CCSER1: variants seen among roughly 807,000 people sequenced by gnomAD.
CCSER1 encodes the protein coiled-coil serine rich protein 1.
In CCSER1, 41 loss-of-function variants were observed where a neutral mutation model predicts 82.0. The ratio of observed to expected loss-of-function variants is 0.50; its 90% CI spans 0.39 to 0.65. The LOEUF is 0.65. Among genes scored for constraint, CCSER1 ranks in the 30% least tolerant of loss-of-function variants. The probability of loss-of-function intolerance (pLI) is 0.00; values close to 1 mark genes in which losing one functional copy is unlikely to be tolerated. For synonymous variants in CCSER1, 414 were observed against 383.9 expected, an observed-to-expected ratio of 1.08 and a Z score of -0.92; for missense variants, 1,119 against 1,064.2, an observed-to-expected ratio of 1.05 and a Z score of -0.72.
chr4:91,438,123 G>C (rs1303863281), intron 10 of CCSER1, among the ~76,000 whole-genome samples: 1 of 152,182 alleles, frequency 6.6e-6, no homozygotes, highest in Non-Finnish European at 1.5e-5. Flanking sequence ...GCTTTGAAGA[G>C]AGCAGTGGTT....
At chr4:90,698,879 A>T (rs572315307) in intron 6 of CCSER1, among the ~76,000 whole-genome samples, 69 of 152,220 alleles carry the variant, frequency 4.5e-4, no homozygotes, top group Non-Finnish European at 9.0e-4. Flanking sequence ...CTGAAGTGGG[A>T]GGATGGCTTG....
chr4:90,468,533 T>G, intron 5 of CCSER1, 179 bp downstream of exon 5: 1 of 526,626 alleles, frequency 1.9e-6, no homozygotes, highest in Non-Finnish European at 3.2e-6. Flanking sequence ...TCTCCTAACT[T>G]CATGTCTTTG....
At chr4:90,871,470 G>A (rs77617122) in intron 8 of CCSER1, among the ~76,000 whole-genome samples, 1,934 of 151,796 alleles carry the variant, frequency 0.013, 35 homozygotes, top group African/African-American at 0.044. Flanking sequence ...GGCTTGTGTA[G>A]TTTTCAGAGA....
chr4:90,354,414 A>T (rs1744055037), intron 3 of CCSER1, among the ~76,000 whole-genome samples: 1 of 152,208 alleles, frequency 6.6e-6, no homozygotes, highest in Non-Finnish European at 1.5e-5. Context: ...AATGTACAGC[A>T]TGGTGACAGT....
intron 5 of CCSER1, among the ~76,000 whole-genome samples, chr4:90,577,042 T>C (rs926654435): frequency 1.3e-5 from 2 of 152,138 alleles, no homozygotes; most frequent in Non-Finnish European, 2.9e-5. Context: ...GCATGTTGTG[T>C]TATTAATGTT....
At chr4:90,850,138 A>G (rs766133914) in intron 8 of CCSER1, among the ~76,000 whole-genome samples, 2 of 152,134 alleles carry the variant, frequency 1.3e-5, no homozygotes, top group African/African-American at 2.4e-5. Context: ...ACCTTCACAT[A>G]GTGTTGGGCC....
chr4:90,468,010 A>G lies in CCSER1; in HGVS notation c.1604-224A>G, dbSNP rs560867695. 3.9e-5 allele frequency among the ~76,000 whole-genome samples: 6 copies of G among 152,300 alleles called. No individual in the cohort carries two copies. In the South Asian group the frequency reaches 1.0e-3, roughly 26 times the overall value. On this transcript the variant is annotated intron_variant, in intron 4 of 10. Coordinates refer to ENST00000509176, the MANE Select transcript of CCSER1 (RefSeq NM_001145065.2). ...TAGAGAAGGACTATAAACTGTTGGC[A>G]ATACCTTTTCCACCCTGGGATTTAA...
At chr4:91,116,271 T>C (rs754117531) in intron 10 of CCSER1, among the ~76,000 whole-genome samples, 8 of 152,140 alleles carry the variant, frequency 5.3e-5, no homozygotes, top group Non-Finnish European at 1.0e-4. Flanking sequence ...ATGTCCTTTG[T>C]AGGGACATGG....
In CCSER1 at chr4:91,568,078, G is replaced by A. The variant is rs184625068; in HGVS notation, c.2218-30494G>A. Among the ~76,000 whole-genome samples, 67 of 152,146 alleles carry A rather than the reference G, an allele frequency of 4.4e-4. 1 individual carries two copies. Among genetic ancestry groups the A allele is most frequent in the Admixed American group, 3.7e-3 (56 of 15,256 alleles). On this transcript the variant is annotated intron_variant, in intron 10 of 10. Coordinates refer to ENST00000509176, the MANE Select transcript of CCSER1 (RefSeq NM_001145065.2). ...TCCTTCAAGATTTGCTTATCTGAAA[G>A]GGATATTATTTACCTTTCACTTAGG...
At chr4:90,178,383 T>C (rs1402337203) in intron 1 of CCSER1, among the ~76,000 whole-genome samples, 1 of 152,234 alleles carries the variant, frequency 6.6e-6, no homozygotes, top group South Asian at 2.1e-4. Flanking sequence ...TTTTTTTCTA[T>C]TTCTGTTACT....
At chr4:91,025,922 A>C (rs201779194) in intron 9 of CCSER1, among the ~76,000 whole-genome samples, 2 of 122,092 alleles carry the variant, frequency 1.6e-5, no homozygotes, top group African/African-American at 9.7e-5. Flanking sequence ...GCCTAAACTC[A>C]CTGAGGATTG....
At chr4:90,656,132 A>G (rs1428129091) in intron 6 of CCSER1, among the ~76,000 whole-genome samples, 4 of 151,870 alleles carry the variant, frequency 2.6e-5, no homozygotes, top group Non-Finnish European at 1.5e-5. Context: ...TCTCTTTTTA[A>G]AAGTTTTTAA....
chr4:91,293,346 C>G (rs1743904762), intron 10 of CCSER1, among the ~76,000 whole-genome samples: 1 of 151,938 alleles, frequency 6.6e-6, no homozygotes, highest in Non-Finnish European at 1.5e-5. Context: ...TGTACAGCAA[C>G]CACTTAATTG....
At chr4:90,245,825 A>T (rs534360594) in intron 1 of CCSER1, among the ~76,000 whole-genome samples, 1 of 152,258 alleles carries the variant, frequency 6.6e-6, no homozygotes, top group Non-Finnish European at 1.5e-5. Flanking sequence ...GGGCTTTTCT[A>T]TCTAATTTAG....
chr4:91,444,432 T>G lies in CCSER1; in HGVS notation c.2218-154140T>G, dbSNP rs146393134. Among the ~76,000 whole-genome samples the G allele has an allele frequency of 1.7e-3, 241 of 140,860 alleles. 1 individual carries two copies. Among genetic ancestry groups the G allele is most frequent in the African/African-American group, 6.1e-3 (227 of 37,114 alleles). The allele number at this position is 140,860 out of a possible 152,430, so 92.4% of individuals were successfully genotyped here. The stretch of plus-strand genomic sequence containing the variant: ...TCACGAACACACTGAGCACAAATCA[T>G]TTTTTTTAAAGTGCCAATTCTTTTG... On this transcript the variant is annotated intron_variant, in intron 10 of 10. Coordinates refer to ENST00000509176, the MANE Select transcript of CCSER1 (RefSeq NM_001145065.2).
In CCSER1 at chr4:90,308,655, A is replaced by G. The variant is rs774877573; in HGVS notation, c.371A>G (p.Asn124Ser). ...RHSVGFSSSR[N>S]KKITRSLTED... ...TCTGTTGGTTTTAGTAGTTCACGAA[A>G]TAAGAAGATAACAAGATCTTTGACA... The change falls in exon 2 of 11, where the codon AAT (asparagine) becomes AGT (serine). Residue 124 changes from asparagine (N) to serine (S), a missense_variant. Transcript: ENST00000509176. 11 of 1,613,592 alleles carry G rather than the reference A, an allele frequency of 6.8e-6. No homozygotes were observed. In the African/African-American group the frequency reaches 1.1e-4, roughly 16 times the overall value.
intron 10 of CCSER1, among the ~76,000 whole-genome samples, chr4:91,110,088 G>C (rs1449165938): frequency 6.6e-6 from 1 of 151,824 alleles, no homozygotes; most frequent in Non-Finnish European, 1.5e-5. Flanking sequence ...TCATCTACCT[G>C]TTATCTGACA....
chr4:90,450,709 A>G (rs772370723), intron 4 of CCSER1, among the ~76,000 whole-genome samples: 4 of 152,218 alleles, frequency 2.6e-5, no homozygotes, highest in Non-Finnish European at 1.5e-5. Flanking sequence ...AGAAGTACAC[A>G]GTAAGCCCTC....
At chr4:91,106,650 T>TG (rs1302967565) in intron 10 of CCSER1, among the ~76,000 whole-genome samples, 1 of 152,240 alleles carries the variant, frequency 6.6e-6, no homozygotes, top group African/African-American at 2.4e-5. Context: ...GAAACTTATG[T>TG]GTCAGGTGCA....
Sources: gnomAD v4.1 joint callset for allele counts (sites outside exome capture counted in the v4.1 genomes callset) on GRCh38, gnomAD v4.1.1 for gene constraint, MANE v1.5 for transcripts, NCBI Gene and HGNC (gene_info 2026-07-23, HGNC 2026-07-21) for gene names.